CAPN15: variants seen among roughly 807,000 people sequenced by gnomAD.
CAPN15 encodes calpain-15.
CAPN15 carries 53 observed loss-of-function variants against 97.9 expected under a neutral mutation model. The ratio of observed to expected loss-of-function variants is 0.54; its 90% CI spans 0.43 to 0.68. The LOEUF (loss-of-function observed/expected upper bound fraction) is 0.68, where lower values mean the gene tolerates loss of function less well. Ranked by LOEUF, CAPN15 falls within the 30% of genes least tolerant of loss-of-function variation. The pLI, the probability that CAPN15 is intolerant of heterozygous loss-of-function variation, is 0.00. For missense variants in CAPN15, 1,592 were observed against 1,589.8 expected (o/e 1.00, Z -0.02); for synonymous variants, 922 against 722.5 (o/e 1.28, Z -4.43).
At chr16:540,190 A>G (rs959289088) in intron 3 of CAPN15, 2 of 985,308 alleles carry the variant, frequency 2.0e-6, no homozygotes, top group Admixed American at 6.1e-5. Flanking sequence ...CCGGGGGGCC[A>G]TGGGGAGCTC....
At chr16:532,341 G>A (rs1318369713) in intron 1 of CAPN15, among the ~76,000 whole-genome samples, 1 of 151,210 alleles carries the variant, frequency 6.6e-6, no homozygotes, top group African/African-American at 2.4e-5. Context: ...ATCACATGAG[G>A]TCAGGAGGTA....
intron 6 of CAPN15, 59 bp downstream of exon 6, chr16:549,530 A>T: frequency 1.3e-6 from 2 of 1,523,088 alleles, no homozygotes; most frequent in Non-Finnish European, 1.8e-6. Flanking sequence ...CCCAGCCCCG[A>T]AAACAAGGCC....
At position 549,476 on chromosome 16, in the gene CAPN15, G is replaced by T; in HGVS notation, c.1842+5G>T. 1.9e-6 allele frequency: 3 copies of T among 1,585,832 alleles called. No individual in the cohort carries two copies. Among genetic ancestry groups the T allele is most frequent in the South Asian group, 1.1e-5 (1 of 88,792 alleles). ...GGCTGCCTCCTCTTCTCACAGGTGG[G>T]GCGGCCTGCAGGGTGGGCACGGGCG... On this transcript the variant is annotated splice_donor_5th_base_variant and intron_variant, in intron 6 of 13. Coordinates refer to ENST00000219611, the MANE Select transcript of CAPN15 (RefSeq NM_005632.3).
intron 13 of CAPN15, 51 bp from the exon 14 acceptor site, chr16:553,288 C>A: frequency 1.5e-6 from 2 of 1,350,094 alleles, no homozygotes; most frequent in Non-Finnish European, 2.1e-6. Flanking sequence ...CACAGCCCTG[C>A]CCCCATCCCC....
At chr16:542,539 G>T (rs1348717833) in intron 3 of CAPN15, among the ~76,000 whole-genome samples, 2 of 152,122 alleles carry the variant, frequency 1.3e-5, no homozygotes, top group African/African-American at 2.4e-5. Context: ...GCCATGTGGG[G>T]CCTCTCTCCC....
intron 1 of CAPN15, among the ~76,000 whole-genome samples, chr16:528,522 C>A (rs1394521807): frequency 6.6e-6 from 1 of 152,232 alleles, no homozygotes; most frequent in Non-Finnish European, 1.5e-5. Context: ...TCTGTGCCAG[C>A]CATGCCAGTG....
At chr16:548,781 C>T (rs961067219) in intron 4 of CAPN15, among the ~76,000 whole-genome samples, 5 of 152,254 alleles carry the variant, frequency 3.3e-5, no homozygotes, top group African/African-American at 1.2e-4. Flanking sequence ...ACGTCCCCTG[C>T]TCCTCACCTG....
In CAPN15 at chr16:553,676, C is replaced by G. The variant is rs1048022936; in HGVS notation, c.*160C>G. 1.1e-5 allele frequency: 6 copies of G among 536,244 alleles called. No homozygotes were observed. Among genetic ancestry groups the G allele is most frequent in the South Asian group, 2.8e-5 (1 of 35,812 alleles). The allele number at this position is 536,244 out of a possible 1,614,324, so 33.2% of individuals were successfully genotyped here. On this transcript the variant is annotated 3_prime_UTR_variant, in exon 14 of 14. Coordinates refer to ENST00000219611, the MANE Select transcript of CAPN15 (RefSeq NM_005632.3). ...CAGCTTCCCATGGGCCCCCCGCCCC[C>G]CTCCTTCCCCTCCCTGAACCCCACA...
chr16:552,557 G>A lies in CAPN15; in HGVS notation c.2737+27G>A, dbSNP rs1446380700. 1 of 1,575,330 alleles carries A rather than the reference G, an allele frequency of 6.3e-7. No homozygotes were observed. The highest frequency in any genetic ancestry group is 8.6e-7 in the Non-Finnish European group (1 of 1,164,210). On this transcript the variant is annotated intron_variant, in intron 11 of 13. Transcript: ENST00000219611. The surrounding 1 kb of genome is among the most constrained non-coding windows in gnomAD (Gnocchi z 6.4). ...TACGTGGCCCCTACCCCAGGCTCAT[G>A]CCCCAGGCCCACGGGGAGGGCTGCG...
chr16:538,971 C>G (rs952107648), intron 3 of CAPN15: 2 of 151,560 alleles, frequency 1.3e-5, no homozygotes, highest in Non-Finnish European at 2.9e-5. Flanking sequence ...GCTCTGTCTC[C>G]CAGGCTGGAA....
rs931319561 is a variant in CAPN15 at position 546,701 on chromosome 16, C to A, written c.-22-116C>A. 2.6e-5 allele frequency: 35 copies of A among 1,355,580 alleles called. No homozygotes were observed. The African/African-American group carries it at 4.7e-4, about 18-fold the overall frequency. The allele number at this position is 1,355,580 out of a possible 1,614,324, so 84.0% of individuals were successfully genotyped here. ...CTGCCTCAAATGCTCAGCCCTAGGC[C>A]CTCGGCCCCGTAGCTCTGCAGCCAC... On this transcript the variant is annotated intron_variant, in intron 3 of 13. Transcript: ENST00000219611.
intron 13 of CAPN15, 47 bp from the exon 14 acceptor site, chr16:553,292 C>A: frequency 7.1e-7 from 1 of 1,411,934 alleles, no homozygotes; most frequent in Non-Finnish European, 9.9e-7. Flanking sequence ...GCCCTGCCCC[C>A]ATCCCCACCC....
chr16:553,267 G>A, intron 13 of CAPN15, 72 bp from the exon 14 acceptor site: 2 of 1,081,522 alleles, frequency 1.8e-6, no homozygotes, highest in Non-Finnish European at 2.7e-6. Flanking sequence ...TCCTGCCCCT[G>A]TACAGGTGGG....
In CAPN15 at chr16:552,556, T is replaced by C. The variant is rs748574093; in HGVS notation, c.2737+26T>C. The C allele has an allele frequency of 6.3e-7, 1 of 1,578,288 alleles. No homozygotes were observed. The highest frequency in any genetic ancestry group is 2.3e-5 in the East Asian group (1 of 43,616). On this transcript the variant is annotated intron_variant, in intron 11 of 13. Coordinates refer to ENST00000219611, the MANE Select transcript of CAPN15 (RefSeq NM_005632.3). The surrounding 1 kb of genome is among the most constrained non-coding windows in gnomAD (Gnocchi z 6.4). ...GTACGTGGCCCCTACCCCAGGCTCA[T>C]GCCCCAGGCCCACGGGGAGGGCTGC...
Position 552,779 on chromosome 16 carries a change from G to A in CAPN15, c.2904+8G>A, listed in dbSNP as rs781565188. ...CGCGGAGAGCGGCACGAGGTGGGTGGGGGTCCCGGGGGAGGGTGGCGTGGG... is the reference window on the plus strand; with the variant it reads ...CGCGGAGAGCGGCACGAGGTGGGTGAGGGTCCCGGGGGAGGGTGGCGTGGG... On this transcript the variant is annotated splice_region_variant and intron_variant, in intron 12 of 13. Coordinates refer to ENST00000219611, the MANE Select transcript of CAPN15 (RefSeq NM_005632.3). The surrounding 1 kb of genome is among the most constrained non-coding windows in gnomAD (Gnocchi z 6.4). 3 of 1,524,828 alleles carry A rather than the reference G, an allele frequency of 2.0e-6. No individual in the cohort carries two copies. The highest frequency in any genetic ancestry group is 1.4e-5 in the African/African-American group (1 of 72,168). The allele number at this position is 1,524,828 out of a possible 1,614,324, so 94.5% of individuals were successfully genotyped here.
rs1431846746 is a variant in CAPN15 at position 548,306 on chromosome 16, C to T, written c.1449+19C>T. On this transcript the variant is annotated intron_variant, in intron 4 of 13. Coordinates refer to ENST00000219611, the MANE Select transcript of CAPN15 (RefSeq NM_005632.3). ...CCGGGAGGTGAGGCGCCCCCTCGCCCTCTTCCTGCTCCTGAGCCTCCTGCT... is the reference window on the plus strand; with the variant it reads ...CCGGGAGGTGAGGCGCCCCCTCGCCTTCTTCCTGCTCCTGAGCCTCCTGCT... 8 of 1,452,726 alleles carry T rather than the reference C, an allele frequency of 5.5e-6. No homozygotes were observed. In the African/African-American group the frequency reaches 1.0e-4, roughly 19 times the overall value. The allele number at this position is 1,452,726 out of a possible 1,614,324, so 90.0% of individuals were successfully genotyped here.
chr16:554,268 G>C lies in CAPN15; in HGVS notation c.*752G>C, dbSNP rs555082788. On this transcript the variant is annotated 3_prime_UTR_variant, in exon 14 of 14. Coordinates refer to ENST00000219611, the MANE Select transcript of CAPN15 (RefSeq NM_005632.3). ...TGCCAGAGAGGGACCCCAGCACATCGTGGGCACGGGCAGGGCTCAGCCGCT... is the reference window on the plus strand; with the variant it reads ...TGCCAGAGAGGGACCCCAGCACATCCTGGGCACGGGCAGGGCTCAGCCGCT... The C allele has an allele frequency of 1.4e-4, 48 of 335,838 alleles. No homozygotes were observed. In the Admixed American group the frequency reaches 1.5e-3, roughly 10 times the overall value. The allele number at this position is 335,838 out of a possible 1,614,324, so 20.8% of individuals were successfully genotyped here.
At chr16:534,219 C>T (rs2033509529) in intron 2 of CAPN15, among the ~76,000 whole-genome samples, 1 of 152,272 alleles carries the variant, frequency 6.6e-6, no homozygotes, top group Admixed American at 6.5e-5. Context: ...TGAGGGCGGC[C>T]CGGGGTCCCG....
At position 547,598 on chromosome 16, in the gene CAPN15, C is replaced by A. The variant is rs112248676; in HGVS notation, c.760C>A (p.Gln254Lys). Residue 254 changes from glutamine to lysine, a missense_variant, in exon 4 of 14, where the codon CAG becomes AAG. Physicochemically the swap from Gln to Lys is moderately conservative, Grantham distance 53. Coordinates refer to ENST00000219611, the MANE Select transcript of CAPN15 (RefSeq NM_005632.3). ...VPRSRREVPP[Q>K]LQPPVPEAAQ... ...GCGCAGCCGACGCGAGGTTCCCCCCCAGCTGCAGCCACCGGTGCCTGAGGC... is the reference window on the plus strand; with the variant it reads ...GCGCAGCCGACGCGAGGTTCCCCCCAAGCTGCAGCCACCGGTGCCTGAGGC... 2 of 1,574,672 alleles carry A rather than the reference C, an allele frequency of 1.3e-6. No individual in the cohort carries two copies. The highest frequency in any genetic ancestry group is 1.7e-6 in the Non-Finnish European group (2 of 1,162,318).
Sources: gnomAD v4.1 joint callset for allele counts (sites outside exome capture counted in the v4.1 genomes callset) on GRCh38, gnomAD v4.1.1 for gene constraint, Gnocchi (gnomAD v3.1) non-coding constraint, MANE v1.5 for transcripts, NCBI Gene and HGNC (gene_info 2026-07-23, HGNC 2026-07-21) for gene names.